Variants in MAP3K9 observed in about 807,000 individuals in gnomAD.
MAP3K9 encodes mixed lineage kinase 1 (tyr and ser/thr specificity).
MAP3K9 carries 46 observed loss-of-function variants against 95.8 expected under a neutral mutation model. That is an observed-to-expected ratio of 0.48 (90% CI 0.38 to 0.61). MAP3K9 has a LOEUF of 0.61. Ranked by LOEUF, MAP3K9 falls within the 20% of genes least tolerant of loss-of-function variation. The pLI, the probability that MAP3K9 is intolerant of heterozygous loss-of-function variation, is 0.00. For missense variants in MAP3K9, 1,296 were observed against 1,474.3 expected (o/e 0.88, Z 1.98); for synonymous variants, 533 against 593.8 (o/e 0.90, Z 1.49).
intron 3 of MAP3K9, among the ~76,000 whole-genome samples, chr14:70,760,151 A>ACACACACT (rs2054352840): frequency 6.7e-6 from 1 of 149,800 alleles, no homozygotes; most frequent in Non-Finnish European, 1.5e-5. Flanking sequence ...GCACACACAC[A>ACACACACT]CACACACACA....
At chr14:70,789,525 T>C (rs2054784241) in intron 2 of MAP3K9, among the ~76,000 whole-genome samples, 1 of 152,208 alleles carries the variant, frequency 6.6e-6, no homozygotes, top group Non-Finnish European at 1.5e-5. Context: ...AAAACAGTAC[T>C]GCTCATTTCT....
At chr14:70,794,645 T>C (rs1389533523) in intron 2 of MAP3K9, among the ~76,000 whole-genome samples, 1 of 151,954 alleles carries the variant, frequency 6.6e-6, no homozygotes, top group Non-Finnish European at 1.5e-5. Flanking sequence ...ACAGTGTTTT[T>C]ACCCCTGTTT....
intron 3 of MAP3K9, among the ~76,000 whole-genome samples, chr14:70,750,370 G>A (rs2054208268): frequency 6.6e-6 from 1 of 152,156 alleles, no homozygotes; most frequent in South Asian, 2.1e-4. Flanking sequence ...CATCTGTAAT[G>A]CACGAATAAC....
At chr14:70,780,644 T>C (rs1287794556) in intron 2 of MAP3K9, among the ~76,000 whole-genome samples, 1 of 152,142 alleles carries the variant, frequency 6.6e-6, no homozygotes, top group Non-Finnish European at 1.5e-5. Context: ...ACTCCATCCC[T>C]CACCTCATCC....
chr14:70,799,254 C>G (rs1435869615), intron 2 of MAP3K9, among the ~76,000 whole-genome samples: 5 of 152,144 alleles, frequency 3.3e-5, no homozygotes, highest in Non-Finnish European at 5.9e-5. Flanking sequence ...CCTCTTCGCC[C>G]TCAAGCCTCA....
At chr14:70,740,351 G>A (rs981324330) in intron 6 of MAP3K9, among the ~76,000 whole-genome samples, 187 bp from the exon 7 acceptor site, 7 of 152,128 alleles carry the variant, frequency 4.6e-5, no homozygotes, top group African/African-American at 1.2e-4. Context: ...GGAGATGAAC[G>A]TATAAAAAGA....
rs1327728915 is a variant in MAP3K9 at position 70,732,651 on chromosome 14, G to A, written c.2718C>T (p.Pro906=). 2.5e-6 allele frequency: 4 copies of A among 1,605,352 alleles called. No individual in the cohort carries two copies. The highest frequency in any genetic ancestry group is 3.4e-6 in the Non-Finnish European group (4 of 1,175,156). Reference sequence around the variant, plus strand: ...TCCGCCGGTGACTGCTGGGCTGCGAGGGGGTGGTGAGGGTGACATGGGTGG... The same window carrying A: ...TCCGCCGGTGACTGCTGGGCTGCGAAGGGGTGGTGAGGGTGACATGGGTGG... ...LTPTHVTLTT[P]SQPSSHRRTP... is the part of the protein sequence containing the mutation. Residue 906 remains proline, a synonymous_variant, in exon 11 of 12, where the codon CCC becomes CCT. Transcript: ENST00000554752.
rs1260935168 is a variant in MAP3K9, at chr14:70,727,113, A to C, written c.*3267T>G. On this transcript the variant is annotated 3_prime_UTR_variant, in exon 12 of 12. Coordinates refer to ENST00000554752, the MANE Select transcript of MAP3K9 (RefSeq NM_001284230.2). ...TACTAGCAAGGGTATCAAATGTACA[A>C]GGAAAATGATGTCATTTTGCAAAGG... is the stretch of plus-strand genomic sequence containing the variant. 6.6e-6 allele frequency: 1 copy of C among 152,242 alleles called. No homozygotes were observed. The highest frequency in any genetic ancestry group is 1.5e-5 in the Non-Finnish European group (1 of 68,048). The allele number at this position is 152,242 out of a possible 1,614,324, so 9.4% of individuals were successfully genotyped here. A position where few individuals can be genotyped will look rare whatever the true frequency, so the allele number is the denominator to read the frequency against.
In MAP3K9 at chr14:70,727,520, A is replaced by T. The variant is rs1379036386; in HGVS notation, c.*2860T>A. ...CGGCTACTGCCACTCAAGTGGCTTC[A>T]TCCACAGCTCCAGGGCCTGCTCCCG... is the stretch of plus-strand genomic sequence containing the variant. On this transcript the variant is annotated 3_prime_UTR_variant, in exon 12 of 12. Coordinates refer to ENST00000554752, the MANE Select transcript of MAP3K9 (RefSeq NM_001284230.2). 1 of 152,612 alleles carries T rather than the reference A, an allele frequency of 6.6e-6. No homozygotes were observed. Among genetic ancestry groups the T allele is most frequent in the Non-Finnish European group, 1.5e-5 (1 of 68,370 alleles). 9.5% of individuals were successfully genotyped at this position (152,612 alleles called of 1,614,324 possible). A position where few individuals can be genotyped will look rare whatever the true frequency, so the allele number is the denominator to read the frequency against.
intron 2 of MAP3K9, among the ~76,000 whole-genome samples, chr14:70,780,504 C>A (rs1320973955): frequency 6.6e-6 from 1 of 152,186 alleles, no homozygotes; most frequent in Non-Finnish European, 1.5e-5. Context: ...CCTGACCAAA[C>A]CTCCCACGTG....
Position 70,730,660 on chromosome 14 carries a change from G to C in MAP3K9, c.3035C>G (p.Pro1012Arg). The C allele has an allele frequency of 1.2e-6, 2 of 1,613,734 alleles. No individual in the cohort carries two copies. The highest frequency in any genetic ancestry group is 1.7e-6 in the Non-Finnish European group (2 of 1,180,030). Residue 1012 changes from proline to arginine, a missense_variant, in exon 12 of 12, where the codon CCC becomes CGC. By Grantham distance (103) the Pro-to-Arg change is moderately radical. Transcript: ENST00000554752. ...TGGGGAGGTGCTGCGGGCATGGCTG[G>C]GGGACACAAACCACCAAGGGTCCAG... is the stretch of plus-strand genomic sequence containing the variant. ...QRLDPWWFVS[P>R]SHARSTSPAN...
chr14:70,753,399 GCTTTATGTTTA>G (rs2054256230), intron 3 of MAP3K9, among the ~76,000 whole-genome samples: 1 of 152,130 alleles, frequency 6.6e-6, no homozygotes, highest in Non-Finnish European at 1.5e-5. Flanking sequence ...CCAACATCCC[GCTTTATGTTTA>G]CAATGGAAGG....
Position 70,778,274 on chromosome 14 carries a change from C to T in MAP3K9, c.821-17092G>A, listed in dbSNP as rs546721015. Among the ~76,000 whole-genome samples the T allele has an allele frequency of 2.5e-4, 26 of 103,300 alleles. No homozygotes were observed. The South Asian group carries it at 8.4e-3, about 33-fold the overall frequency. The allele number at this position is 103,300 out of a possible 152,430, so 67.8% of individuals were successfully genotyped here. A position where few individuals can be genotyped will look rare whatever the true frequency, so the allele number is the denominator to read the frequency against. The stretch of plus-strand genomic sequence containing the variant: ...CACAGGCACACATCACCACGCCCAG[C>T]TATTTTTTTTTTTTTTTTTTGAGAC... On this transcript the variant is annotated intron_variant, in intron 2 of 11. Transcript: ENST00000554752.
intron 10 of MAP3K9, 26 bp from the exon 11 acceptor site, chr14:70,733,368 G>A (rs2139706580): frequency 9.7e-7 from 1 of 1,034,162 alleles, no homozygotes; most frequent in East Asian, 2.5e-5. Flanking sequence ...GAGTGGAAGA[G>A]AAACAGGAAA....
intron 2 of MAP3K9, among the ~76,000 whole-genome samples, chr14:70,797,233 C>A (rs547885279): frequency 6.6e-6 from 1 of 152,190 alleles, no homozygotes; most frequent in East Asian, 1.9e-4. Flanking sequence ...CCTCACATGA[C>A]AATGACCAAA....
rs745488869 is a variant in MAP3K9, at chr14:70,732,988, C to T, written c.2381G>A (p.Arg794Gln). The change falls in exon 11 of 12, where the codon CGG becomes CAG. Residue 794 changes from arginine to glutamine, a missense_variant. Arg to Gln is a conservative substitution (Grantham distance 43). This residue lies in a region of MAP3K9 where 433 missense variants were observed against 441.4 expected (regional missense o/e 0.98). Transcript: ENST00000554752. ...GCTGGACCTCTGAAAAAGACCCTCC[C>T]GTCTTTTCTTCTCCTCCCGGGCTGG... is the stretch of plus-strand genomic sequence containing the variant. ...EPPAREEKKRREGLFQRSSRP... is the reference protein window; with the variant it reads ...EPPAREEKKRQEGLFQRSSRP... The T allele has an allele frequency of 5.6e-6, 9 of 1,613,998 alleles. No individual in the cohort carries two copies. Among genetic ancestry groups the T allele is most frequent in the African/African-American group, 1.3e-5 (1 of 74,892 alleles).
chr14:70,802,190 A>G (rs1371582743), intron 1 of MAP3K9, among the ~76,000 whole-genome samples: 1 of 152,268 alleles, frequency 6.6e-6, no homozygotes, highest in Non-Finnish European at 1.5e-5. Flanking sequence ...TCTGAACCTC[A>G]GCAGCAGTGA....
intron 2 of MAP3K9, among the ~76,000 whole-genome samples, chr14:70,765,840 T>C (rs1237409554): frequency 1.3e-5 from 2 of 151,168 alleles, no homozygotes; most frequent in South Asian, 2.1e-4. Flanking sequence ...CCCAGGTGTG[T>C]AGTATAAGTA....
intron 2 of MAP3K9, among the ~76,000 whole-genome samples, chr14:70,763,841 T>A (rs1408727236): frequency 1.3e-5 from 2 of 152,106 alleles, no homozygotes; most frequent in African/African-American, 4.8e-5. Context: ...CAGCATACTA[T>A]ACTTTTTAAT....
Sources: gnomAD v4.1 joint callset for allele counts (sites outside exome capture counted in the v4.1 genomes callset) on GRCh38, gnomAD v4.1.1 for gene constraint, gnomAD v4.1.1 regional missense constraint, MANE v1.5 for transcripts, NCBI Gene and HGNC (gene_info 2026-07-23, HGNC 2026-07-21) for gene names.